Variants in GNA12 observed in about 807,000 individuals in gnomAD.
GNA12 encodes the protein G protein subunit alpha 12.
In GNA12, 9 loss-of-function variants were observed where a neutral mutation model predicts 26.0. That is an observed-to-expected ratio of 0.35 (90% CI 0.21 to 0.60). GNA12 has a LOEUF of 0.60. GNA12 is among the 20% of genes least tolerant of loss of function. The probability of loss-of-function intolerance (pLI) is 0.78; values close to 1 mark genes in which losing one functional copy is unlikely to be tolerated. For synonymous variants in GNA12, 264 were observed against 219.6 expected (o/e 1.20, Z -1.79); for missense variants, 405 against 525.8 (o/e 0.77, Z 2.25).
chr7:2,770,300 C>G (rs1791916225), intron 2 of GNA12, among the ~76,000 whole-genome samples: 1 of 152,078 alleles, frequency 6.6e-6, no homozygotes. Context: ...TAAACATGTC[C>G]CGTTTGGAAA....
At chr7:2,807,942 G>T (rs1242682787) in intron 1 of GNA12, among the ~76,000 whole-genome samples, 1 of 152,150 alleles carries the variant, frequency 6.6e-6, no homozygotes, top group African/African-American at 2.4e-5. Context: ...TCTGTGCCCC[G>T]TGGAGGAGCT....
chr7:2,838,274 T>A (rs1386514673), intron 1 of GNA12, among the ~76,000 whole-genome samples: 1 of 136,134 alleles, frequency 7.3e-6, no homozygotes. Flanking sequence ...TACAAAGCAT[T>A]ATACTTAAAA....
intron 1 of GNA12, among the ~76,000 whole-genome samples, chr7:2,823,046 C>A (rs1276458555): frequency 6.6e-6 from 1 of 152,200 alleles, no homozygotes; most frequent in East Asian, 1.9e-4. Context: ...CAGTTACCAA[C>A]CACTCTGATG....
At chr7:2,762,319 G>A (rs1398993213) in intron 2 of GNA12, 1 of 312,220 alleles carries the variant, frequency 3.2e-6, no homozygotes, top group Non-Finnish European at 5.8e-6. Context: ...CTCACGCCAG[G>A]CGCTGCGCGA....
intron 2 of GNA12, among the ~76,000 whole-genome samples, chr7:2,773,293 G>A (rs1791993601): frequency 6.6e-6 from 1 of 152,230 alleles, no homozygotes; most frequent in African/African-American, 2.4e-5. Flanking sequence ...GCTGGGGGCG[G>A]TGGCTCACGC....
chr7:2,731,036 T>TGGTC lies in GNA12; in HGVS notation c.*141_*144dup. 1.7e-6 allele frequency: 1 copy of TGGTC among 582,698 alleles called. No individual in the cohort carries two copies. Among genetic ancestry groups the TGGTC allele is most frequent in the Non-Finnish European group, 3.0e-6 (1 of 329,514 alleles). The allele number at this position is 582,698 out of a possible 1,614,324, so 36.1% of individuals were successfully genotyped here. A position where few individuals can be genotyped will look rare whatever the true frequency, so the allele number is the denominator to read the frequency against. ...TTTTGCCTAGAGCTCGCTGGCTGGC[T>TGGTC]GGTCTGACAGCATTCCTGAGCCAGG... On this transcript the variant is annotated 3_prime_UTR_variant, in exon 4 of 4. Transcript: ENST00000275364. This position sits in a 1 kb window ranked among gnomAD's most constrained non-coding sequence, Gnocchi z 6.0.
In GNA12 at chr7:2,760,162, C is replaced by G. The variant is rs561078438; in HGVS notation, c.526-26661G>C. On this transcript the variant is annotated intron_variant, in intron 2 of 3. Coordinates refer to ENST00000275364, the MANE Select transcript of GNA12 (RefSeq NM_007353.3). The stretch of plus-strand genomic sequence containing the variant: ...CCACGTGATGGACGTGCTTTCTTCC[C>G]ATCGCCCGCCTCTGCCTGGGGAAGG... Among the ~76,000 whole-genome samples the G allele has an allele frequency of 2.0e-5, 3 of 152,380 alleles. No individual in the cohort carries two copies. In the South Asian group the frequency reaches 6.2e-4, roughly 32 times the overall value.
At chr7:2,768,676 AC>A (rs1482922508) in intron 2 of GNA12, among the ~76,000 whole-genome samples, 1,112 of 82,432 alleles carry the variant, frequency 0.013, 18 homozygotes, top group African/African-American at 0.028. Flanking sequence ...TAAAAAAAAA[AC>A]AAAACAAAAC....
At position 2,844,116 on chromosome 7, in the gene GNA12, C is replaced by G; in HGVS notation, c.46G>C (p.Glu16Gln). Residue 16 changes from glutamate to glutamine, a missense_variant, in exon 1 of 4, where the codon GAG (glutamate) becomes CAG (glutamine). Physicochemically the swap from Glu to Gln is conservative, Grantham distance 29 (BLOSUM62 2). Transcript: ENST00000275364. ...CTGCGCTCGCGGGCCCCGCCGGCCT[C>G]GGCCGGCAGCAGGCAGCGGCTGAGG... Reference protein sequence around the residue: ...RTLSRCLLPAEAGGARERRAG... With the variant: ...RTLSRCLLPAQAGGARERRAG... 1 of 990,496 alleles carries G rather than the reference C, an allele frequency of 1.0e-6. No homozygotes were observed. Among genetic ancestry groups the G allele is most frequent in the Non-Finnish European group, 1.2e-6 (1 of 835,164 alleles). The allele number at this position is 990,496 out of a possible 1,614,324, so 61.4% of individuals were successfully genotyped here.
chr7:2,833,437 C>T (rs1778739774), intron 1 of GNA12, among the ~76,000 whole-genome samples: 1 of 152,198 alleles, frequency 6.6e-6, no homozygotes, highest in Admixed American at 6.5e-5. Context: ...ACATCAAGCA[C>T]AGCTGGCTTC....
At chr7:2,827,504 C>T (rs964462573) in intron 1 of GNA12, among the ~76,000 whole-genome samples, 8 of 152,158 alleles carry the variant, frequency 5.3e-5, no homozygotes, top group African/African-American at 1.9e-4. Flanking sequence ...CACTGTGGCC[C>T]GGACTGAAGG....
intron 2 of GNA12, among the ~76,000 whole-genome samples, chr7:2,775,926 A>T (rs208340): frequency 6.6e-6 from 1 of 152,276 alleles, no homozygotes; most frequent in Non-Finnish European, 1.5e-5. Context: ...AGCTAGGCTT[A>T]ATGCAGCCAT....
intron 2 of GNA12, among the ~76,000 whole-genome samples, chr7:2,787,408 C>T (rs1046110578): frequency 1.1e-4 from 16 of 152,200 alleles, no homozygotes; most frequent in Non-Finnish European, 1.3e-4. Flanking sequence ...ACAGGCACCA[C>T]GAGCTGTCGC....
chr7:2,733,624 G>T lies in GNA12; in HGVS notation c.526-123C>A, dbSNP rs893444730. The stretch of plus-strand genomic sequence containing the variant: ...CCTCCGTGTGAATGGGAAAGCAAAG[G>T]AAAAAGGCAGAGAGTGTCCGTGTGT... On this transcript the variant is annotated intron_variant, in intron 2 of 3. Coordinates refer to ENST00000275364, the MANE Select transcript of GNA12 (RefSeq NM_007353.3). 7 of 713,408 alleles carry T rather than the reference G, an allele frequency of 9.8e-6. No individual in the cohort carries two copies. In the South Asian group the frequency reaches 1.1e-4, roughly 11 times the overall value. 44.2% of individuals were successfully genotyped at this position (713,408 alleles called of 1,614,324 possible). A position where few individuals can be genotyped will look rare whatever the true frequency, so the allele number is the denominator to read the frequency against.
At chr7:2,780,640 T>C (rs1027479038) in intron 2 of GNA12, among the ~76,000 whole-genome samples, 2 of 152,182 alleles carry the variant, frequency 1.3e-5, no homozygotes, top group Non-Finnish European at 1.5e-5. Context: ...TATGTATGAA[T>C]GTAAACACAC....
chr7:2,764,222 G>C (rs1791706851), intron 2 of GNA12, among the ~76,000 whole-genome samples: 1 of 150,812 alleles, frequency 6.6e-6, no homozygotes, highest in Admixed American at 6.6e-5. Flanking sequence ...ACGGGCACGT[G>C]CCACCTATCC....
intron 2 of GNA12, chr7:2,763,191 AACACACACACAC>A (rs56384682): frequency 0.38 from 85,092 of 222,602 alleles, 14,075 homozygotes; most frequent in Non-Finnish European, 0.44. Context: ...AAGACACCCC[AACACACACACAC>A]ACACACACAC....
intron 2 of GNA12, among the ~76,000 whole-genome samples, chr7:2,776,391 C>T (rs1022392738): frequency 8.5e-5 from 13 of 152,246 alleles, no homozygotes; most frequent in African/African-American, 3.1e-4. Flanking sequence ...CCAGGGGACA[C>T]ACTGTACATC....
intron 2 of GNA12, among the ~76,000 whole-genome samples, chr7:2,737,233 C>T (rs941813271): frequency 2.8e-4 from 40 of 145,282 alleles, no homozygotes; most frequent in Non-Finnish European, 4.7e-4. Context: ...TAATTTTAAA[C>T]CCTATCTGCC....
Sources: allele counts gnomAD v4.1 joint callset (sites outside exome capture counted in the v4.1 genomes callset), GRCh38; gene constraint gnomAD v4.1.1; non-coding constraint Gnocchi (gnomAD v3.1); transcripts MANE v1.5; gene names NCBI Gene and HGNC (gene_info 2026-07-23, HGNC 2026-07-21).